Variants in SCN2A observed in about 807,000 individuals in gnomAD.
The protein encoded by SCN2A is sodium voltage-gated channel alpha subunit 2, also known as sodium channel protein type 2 subunit alpha.
A neutral mutation model predicts 188.7 loss-of-function variants in SCN2A; 20 were observed. The observed-to-expected ratio is 0.11, with a 90% CI of 0.07 to 0.15. The LOEUF (loss-of-function observed/expected upper bound fraction) is 0.15. Ranked by LOEUF, SCN2A falls within the 10% of genes least tolerant of loss-of-function variation. The pLI is 1.00. For missense variants in SCN2A, 1,278 were observed against 2,445.0 expected, an observed-to-expected ratio of 0.52 and a Z score of 10.07; for synonymous variants, 804 against 833.1, an observed-to-expected ratio of 0.97 and a Z score of 0.60.
chr2:165,323,925 A>G (rs1698215592), intron 12 of SCN2A, among the ~76,000 whole-genome samples: 1 of 152,214 alleles, frequency 6.6e-6, no homozygotes, highest in Non-Finnish European at 1.5e-5. Context: ...ACTATTACTA[A>G]ATAGATTTAA....
At chr2:165,289,297 T>C (rs1025755366) in intron 1 of SCN2A, among the ~76,000 whole-genome samples, 1 of 152,164 alleles carries the variant, frequency 6.6e-6, no homozygotes, top group African/African-American at 2.4e-5. Flanking sequence ...AACATGATTT[T>C]TTAAAATTTT....
chr2:165,278,271 A>G (rs1042504994), intron 1 of SCN2A, among the ~76,000 whole-genome samples: 1 of 152,212 alleles, frequency 6.6e-6, no homozygotes, highest in African/African-American at 2.4e-5. Context: ...GCTGCCATAA[A>G]GAACTGCCTG....
intron 3 of SCN2A, among the ~76,000 whole-genome samples, chr2:165,299,508 T>C (rs1696692397): frequency 6.6e-6 from 1 of 152,218 alleles, no homozygotes; most frequent in Non-Finnish European, 1.5e-5. Context: ...TGACTTAAAG[T>C]GTTATATTTC....
chr2:165,377,991 T>A (rs1701399113), intron 23 of SCN2A, among the ~76,000 whole-genome samples: 1 of 151,842 alleles, frequency 6.6e-6, no homozygotes, highest in East Asian at 1.9e-4. Flanking sequence ...ATATTTTTTA[T>A]CTGTAATATA....
chr2:165,240,814 A>G (rs1173564132), intron 1 of SCN2A, among the ~76,000 whole-genome samples: 3 of 152,032 alleles, frequency 2.0e-5, no homozygotes, highest in Non-Finnish European at 4.4e-5. Context: ...GAATGATTTT[A>G]TAAAATGGTT....
At chr2:165,356,281 A>C (rs1404521293) in intron 17 of SCN2A, among the ~76,000 whole-genome samples, 1 of 151,934 alleles carries the variant, frequency 6.6e-6, no homozygotes, top group Non-Finnish European at 1.5e-5. Context: ...GAATTACTTT[A>C]ATTGGTTGAA....
chr2:165,335,196 A>C (rs1159013187), intron 14 of SCN2A, among the ~76,000 whole-genome samples: 1 of 151,704 alleles, frequency 6.6e-6, no homozygotes, highest in Admixed American at 6.6e-5. Flanking sequence ...TTAATCTACA[A>C]ATTTAACGCT....
intron 14 of SCN2A, among the ~76,000 whole-genome samples, chr2:165,332,264 A>G (rs1282668701): frequency 6.6e-6 from 1 of 152,050 alleles, no homozygotes; most frequent in Non-Finnish European, 1.5e-5. Context: ...CAGGTTATAT[A>G]GAGATTGTAA....
chr2:165,318,030 G>A (rs1462812927), intron 11 of SCN2A, among the ~76,000 whole-genome samples: 1 of 152,132 alleles, frequency 6.6e-6, no homozygotes, highest in Non-Finnish European at 1.5e-5. Context: ...TACTGAAAAT[G>A]TCAAACCAGA....
Position 165,365,241 on chromosome 2 carries a change from A to G in SCN2A, c.3498A>G (p.Glu1166=). Residue 1166 remains glutamate (E), a synonymous_variant, in exon 18 of 27, where the codon GAA becomes GAG. Coordinates refer to ENST00000375437, the MANE Select transcript of SCN2A (RefSeq NM_001040142.2). ...AGGTTGAACCTGAGGAATCCCTTGA[A>G]CCTGAAGCCTGTTTTACAGAAGGTA... The part of the protein sequence containing the change: ...QPEVEPEESL[E]PEACFTEDCV... 6.2e-7 allele frequency: 1 copy of G among 1,613,938 alleles called. No individual in the cohort carries two copies. Among genetic ancestry groups the G allele is most frequent in the South Asian group, 1.1e-5 (1 of 91,076 alleles).
At chr2:165,360,509 T>C (rs892750922) in intron 17 of SCN2A, among the ~76,000 whole-genome samples, 5 of 151,950 alleles carry the variant, frequency 3.3e-5, no homozygotes, top group Non-Finnish European at 7.4e-5. Context: ...CAGTAGATTT[T>C]CAATAGGAAG....
chr2:165,294,177 C>G, intron 1 of SCN2A: 3 of 855,472 alleles, frequency 3.5e-6, no homozygotes, highest in Non-Finnish European at 4.2e-6. Context: ...CTCTGTGATG[C>G]TTCTCTACCT....
chr2:165,269,217 A>G (rs1014460418), intron 1 of SCN2A: 2 of 152,130 alleles, frequency 1.3e-5, no homozygotes, highest in Non-Finnish European at 2.9e-5. Context: ...TAATCATTTC[A>G]CAATGCAAAT....
At chr2:165,362,645 T>C (rs1369108688) in intron 17 of SCN2A, among the ~76,000 whole-genome samples, 1 of 152,076 alleles carries the variant, frequency 6.6e-6, no homozygotes, top group Non-Finnish European at 1.5e-5. Flanking sequence ...GTATTATCCA[T>C]ATGGCCTAGA....
chr2:165,291,260 T>C (rs2106137690), intron 1 of SCN2A, among the ~76,000 whole-genome samples: 1 of 151,724 alleles, frequency 6.6e-6, no homozygotes, highest in South Asian at 2.1e-4. Flanking sequence ...GCCAGGCTGG[T>C]CTTGATCTCC....
At chr2:165,283,555 G>A (rs1180065770) in intron 1 of SCN2A, among the ~76,000 whole-genome samples, 5 of 152,166 alleles carry the variant, frequency 3.3e-5, no homozygotes, top group Non-Finnish European at 2.9e-5. Context: ...TCTGGCAGAG[G>A]TTAAGCTAGT....
intron 15 of SCN2A, among the ~76,000 whole-genome samples, chr2:165,343,455 G>A (rs1699417119): frequency 6.6e-6 from 1 of 152,178 alleles, no homozygotes; most frequent in Admixed American, 6.5e-5. Context: ...AATATATTTA[G>A]TAAACCTTCA....
rs1700076343 is a variant in SCN2A at position 165,354,363 on chromosome 2, A to G, written c.3091A>G (p.Arg1031Gly). ...TGAATTTATTCAGAAAGCCTTTGTT[A>G]GGAAGCAGAAAGCTTTAGATGAAAT... is the stretch of plus-strand genomic sequence containing the variant. ...IREFIQKAFV[R>G]KQKALDEIKP... The change falls in exon 17 of 27, where the codon AGG becomes GGG. Residue 1031 changes from arginine to glycine, a missense_variant. Coordinates refer to ENST00000375437, the MANE Select transcript of SCN2A (RefSeq NM_001040142.2). 1 of 1,613,950 alleles carries G rather than the reference A, an allele frequency of 6.2e-7. No individual in the cohort carries two copies. The highest frequency in any genetic ancestry group is 1.1e-5 in the South Asian group (1 of 91,070).
At chr2:165,371,173 G>A (rs1442568312) in intron 20 of SCN2A, 2 of 152,132 alleles carry the variant, frequency 1.3e-5, no homozygotes, top group African/African-American at 4.8e-5. Flanking sequence ...TAGGATAAAA[G>A]TATCAAGTCA....
Sources: gnomAD v4.1 joint callset for allele counts (sites outside exome capture counted in the v4.1 genomes callset) on GRCh38, gnomAD v4.1.1 for gene constraint, MANE v1.5 for transcripts, NCBI Gene and HGNC (gene_info 2026-07-23, HGNC 2026-07-21) for gene names.